SDK1: variants seen among roughly 807,000 people sequenced by gnomAD.
The protein encoded by SDK1 is sidekick cell adhesion molecule 1.
A neutral mutation model predicts 245.5 loss-of-function variants in SDK1; 157 were observed. The observed-to-expected ratio is 0.64, with a 90% confidence interval of 0.56 to 0.73. SDK1 has a LOEUF of 0.73. Ranked by LOEUF, SDK1 falls within the 30% of genes least tolerant of loss-of-function variation. SDK1 has a pLI of 0.00. For missense variants in SDK1, 3,583 were observed against 3,002.3 expected (o/e 1.19, Z -4.52); for synonymous variants, 1,647 against 1,278.5 (o/e 1.29, Z -6.15).
intron 5 of SDK1, among the ~76,000 whole-genome samples, chr7:3,871,585 C>A (rs1780957664): frequency 6.6e-6 from 1 of 152,198 alleles, no homozygotes. Flanking sequence ...TTGGAGAAGA[C>A]CTCAGGCTGC....
At chr7:4,252,205 A>C (rs3933437) in intron 44 of SDK1, among the ~76,000 whole-genome samples, 33,419 of 85,868 alleles carry the variant, frequency 0.39, 3,374 homozygotes, top group African/African-American at 0.45. Context: ...TATCCCTCCC[A>C]CCTCCCCCCA....
At chr7:4,189,345 C>T (rs1275838825) in intron 35 of SDK1, among the ~76,000 whole-genome samples, 1 of 152,164 alleles carries the variant, frequency 6.6e-6, no homozygotes, top group Non-Finnish European at 1.5e-5. Flanking sequence ...CTGAGGCTCA[C>T]ATGGTTACTC....
chr7:3,877,898 G>A (rs1253660791), intron 5 of SDK1, among the ~76,000 whole-genome samples: 1 of 152,194 alleles, frequency 6.6e-6, no homozygotes, highest in Non-Finnish European at 1.5e-5. Context: ...GCAGTGAACT[G>A]CAGTGAACTG....
chr7:3,773,954 C>T (rs1265869885), intron 4 of SDK1, among the ~76,000 whole-genome samples: 1 of 152,098 alleles, frequency 6.6e-6, no homozygotes, highest in African/African-American at 2.4e-5. Context: ...GTGGCTCATG[C>T]CTGTAATCCC....
chr7:3,719,969 C>G (rs139924700), intron 4 of SDK1, among the ~76,000 whole-genome samples: 2 of 149,742 alleles, frequency 1.3e-5, no homozygotes, highest in Non-Finnish European at 1.5e-5. Context: ...GAACAAGACT[C>G]CATCTCTTAA....
rs189636932 is a variant in SDK1 at position 3,777,778 on chromosome 7, G to A, written c.714-43672G>A. On this transcript the variant is annotated intron_variant, in intron 4 of 44. Coordinates refer to ENST00000404826, the MANE Select transcript of SDK1 (RefSeq NM_152744.4). ...AAAACTTCCCATGCCACACCACACT[G>A]CACATGTATATATTACTTTGCAATC... Among the ~76,000 whole-genome samples the A allele has an allele frequency of 3.0e-3, 461 of 152,170 alleles. 1 individual carries two copies. Among genetic ancestry groups the A allele is most frequent in the Non-Finnish European group, 5.2e-3 (355 of 68,018 alleles).
intron 19 of SDK1, among the ~76,000 whole-genome samples, chr7:4,055,616 C>T (rs984379677): frequency 6.6e-6 from 1 of 151,780 alleles, no homozygotes; most frequent in Non-Finnish European, 1.5e-5. Flanking sequence ...TTCATGGTCT[C>T]CTTCATTTTC....
chr7:4,016,274 G>T (rs1786394777), intron 16 of SDK1, among the ~76,000 whole-genome samples: 1 of 152,258 alleles, frequency 6.6e-6, no homozygotes, highest in Non-Finnish European at 1.5e-5. Flanking sequence ...TGAGGCAGGA[G>T]CCACTTCTGG....
intron 4 of SDK1, among the ~76,000 whole-genome samples, chr7:3,789,225 G>A (rs774270549): frequency 5.9e-5 from 9 of 151,950 alleles, no homozygotes; most frequent in Non-Finnish European, 8.8e-5. Flanking sequence ...TCAGCTCACC[G>A]CAACCTCCAC....
Position 3,647,176 on chromosome 7 carries a change from A to G in SDK1, c.713+5071A>G, listed in dbSNP as rs1407410170. ...CAAAGCAGGAGGATGGCTTGAGCCC[A>G]GTAGCTTGAAGCTGCAGTGAGCTGT... On this transcript the variant is annotated intron_variant, in intron 4 of 44. Coordinates refer to ENST00000404826, the MANE Select transcript of SDK1 (RefSeq NM_152744.4). 3.3e-5 allele frequency among the ~76,000 whole-genome samples: 5 copies of G among 152,352 alleles called. 1 individual carries two copies. In the South Asian group the frequency reaches 6.2e-4, roughly 19 times the overall value.
chr7:3,304,753 C>A (rs1370498502), intron 1 of SDK1, among the ~76,000 whole-genome samples: 2 of 152,150 alleles, frequency 1.3e-5, no homozygotes, highest in African/African-American at 4.8e-5. Flanking sequence ...TTGTGTTTCC[C>A]CCTATTCCAG....
At chr7:3,825,311 C>A (rs975676291) in intron 5 of SDK1, among the ~76,000 whole-genome samples, 2 of 122,850 alleles carry the variant, frequency 1.6e-5, no homozygotes, top group Admixed American at 9.1e-5. Flanking sequence ...ATAAGAGTTT[C>A]TTCCTCTAAA....
At chr7:3,462,559 T>TCTGAAAATGCATCACAAGTTTATTAGAG in intron 1 of SDK1, among the ~76,000 whole-genome samples, 1 of 152,224 alleles carries the variant, frequency 6.6e-6, no homozygotes, top group Non-Finnish European at 1.5e-5. Context: ...GTTAACTTGA[T>TCTGAAAATGCATCACAAGTTTATTAGAG]ATTTCTACTT....
chr7:3,726,846 C>G (rs893006159), intron 4 of SDK1, among the ~76,000 whole-genome samples: 3 of 152,212 alleles, frequency 2.0e-5, no homozygotes, highest in Admixed American at 6.5e-5. Context: ...TCTCTTTACT[C>G]AACCCTTGAC....
At chr7:3,880,388 A>G (rs1280598689) in intron 5 of SDK1, among the ~76,000 whole-genome samples, 1 of 152,144 alleles carries the variant, frequency 6.6e-6, no homozygotes, top group Non-Finnish European at 1.5e-5. Context: ...TGGGCAACAC[A>G]GCGAGAACCA....
intron 1 of SDK1, among the ~76,000 whole-genome samples, chr7:3,458,294 C>G (rs1780729645): frequency 6.6e-6 from 1 of 152,016 alleles, no homozygotes. Context: ...TCTCTCTTTT[C>G]TCTTTCTGAA....
chr7:3,390,703 T>G (rs1298802017), intron 1 of SDK1, among the ~76,000 whole-genome samples: 1 of 152,120 alleles, frequency 6.6e-6, no homozygotes, highest in Non-Finnish European at 1.5e-5. Flanking sequence ...AAGTCAATAA[T>G]GCCAAGTATT....
chr7:3,616,090 G>C (rs1199568912), intron 1 of SDK1, among the ~76,000 whole-genome samples: 1 of 152,072 alleles, frequency 6.6e-6, no homozygotes, highest in East Asian at 1.9e-4. Context: ...GTCTCACTGT[G>C]TTGTCCAAGC....
chr7:3,591,534 A>T (rs941103301), intron 1 of SDK1, among the ~76,000 whole-genome samples: 4 of 152,264 alleles, frequency 2.6e-5, no homozygotes, highest in Non-Finnish European at 5.9e-5. Flanking sequence ...GTTCACATTG[A>T]CATTCAGAAA....
Sources: allele counts gnomAD v4.1 joint callset (sites outside exome capture counted in the v4.1 genomes callset), GRCh38; gene constraint gnomAD v4.1.1; transcripts MANE v1.5; gene names NCBI Gene and HGNC (gene_info 2026-07-23, HGNC 2026-07-21).